FHOD3: variants seen among roughly 807,000 people sequenced by gnomAD.
The protein encoded by FHOD3 is formin homology 2 domain containing 3, also known as FH1/FH2 domain-containing protein 3.
In FHOD3, 90 loss-of-function variants were observed where a neutral mutation model predicts 173.0. The ratio of observed to expected loss-of-function variants is 0.52; its 90% CI spans 0.44 to 0.62. The LOEUF is 0.62. Among genes scored for constraint, FHOD3 ranks in the 20% least tolerant of loss-of-function variants. The pLI is 0.00. For synonymous variants in FHOD3, 828 were observed against 823.0 expected (o/e 1.01, Z -0.10); for missense variants, 1,945 against 2,034.7 (o/e 0.96, Z 0.85).
chr18:36,452,363 C>G (rs1255348383), intron 3 of FHOD3, among the ~76,000 whole-genome samples: 3 of 151,864 alleles, frequency 2.0e-5, no homozygotes, highest in Non-Finnish European at 4.4e-5. Context: ...GAAAAGAAGC[C>G]AAAAAAATTT....
chr18:36,312,144 T>C (rs920625424), intron 1 of FHOD3, among the ~76,000 whole-genome samples: 22 of 152,374 alleles, frequency 1.4e-4, no homozygotes, highest in African/African-American at 5.3e-4. Flanking sequence ...TTTTCCATTC[T>C]TGACTTATAG....
At chr18:36,489,709 G>T (rs1467801467) in intron 3 of FHOD3, among the ~76,000 whole-genome samples, 2 of 152,088 alleles carry the variant, frequency 1.3e-5, no homozygotes, top group Non-Finnish European at 2.9e-5. Flanking sequence ...CTAGAAAAAG[G>T]AATACGTGAG....
chr18:36,414,236 T>G (rs994655247), intron 3 of FHOD3, among the ~76,000 whole-genome samples: 2 of 152,178 alleles, frequency 1.3e-5, no homozygotes, highest in Non-Finnish European at 2.9e-5. Context: ...CGCCGTGACT[T>G]TAGCTGCTCC....
intron 5 of FHOD3, among the ~76,000 whole-genome samples, chr18:36,547,398 T>C (rs1266640484): frequency 6.6e-6 from 1 of 152,192 alleles, no homozygotes; most frequent in African/African-American, 2.4e-5. Flanking sequence ...AAAAAATTCT[T>C]GTTTTTCTGT....
Position 36,709,169 on chromosome 18 carries a change from G to A in FHOD3, c.2311G>A (p.Glu771Lys). 6.2e-7 allele frequency: 1 copy of A among 1,614,166 alleles called. No individual in the cohort carries two copies. Among genetic ancestry groups the A allele is most frequent in the Non-Finnish European group, 8.5e-7 (1 of 1,180,036 alleles). Residue 771 changes from glutamate (E) to lysine (K), a missense_variant, in exon 18 of 29, where the codon GAA (glutamate) becomes AAA (lysine). Coordinates refer to ENST00000590592, the MANE Select transcript of FHOD3 (RefSeq NM_001281740.3). ...GGCAGGGGCGGGGCAGGTTGCTGATGAAGCTGGCCAGGACATAGCCTCTGC... is the reference window on the plus strand; with the variant it reads ...GGCAGGGGCGGGGCAGGTTGCTGATAAAGCTGGCCAGGACATAGCCTCTGC... ...AEAGAGQVAD[E>K]AGQDIASAHE...
chr18:36,754,767 A>G (rs2042550647), intron 24 of FHOD3, among the ~76,000 whole-genome samples: 1 of 151,766 alleles, frequency 6.6e-6, no homozygotes, highest in East Asian at 1.9e-4. Context: ...CAAAAGTTTT[A>G]CATATATCCA....
chr18:36,521,323 G>T (rs1422862274), intron 5 of FHOD3, among the ~76,000 whole-genome samples: 2 of 152,064 alleles, frequency 1.3e-5, no homozygotes, highest in East Asian at 3.9e-4. Context: ...AGCCAGCTGT[G>T]CCCTGGTATC....
chr18:36,444,943 T>C (rs2051381189), intron 3 of FHOD3, among the ~76,000 whole-genome samples: 1 of 152,262 alleles, frequency 6.6e-6, no homozygotes, highest in Admixed American at 6.5e-5. Flanking sequence ...GGAGGTATAT[T>C]GTCAGGGTAA....
At chr18:36,652,423 CT>C (rs2036121315) in intron 11 of FHOD3, 146 bp from the exon 12 acceptor site, 1 of 1,049,516 alleles carries the variant, frequency 9.5e-7, no homozygotes, top group African/African-American at 1.6e-5. Context: ...GGCTTTTATG[CT>C]TCAGTTCAAG....
rs965295724 is a variant in FHOD3, at chr18:36,681,405, C to A, written c.1836-31C>A. On this transcript the variant is annotated intron_variant, in intron 14 of 28. Transcript: ENST00000590592. ...TCAGTACTTTTAATCACAGGCCAAG[C>A]AACTGAAACATTAACTCATTGTATC... The A allele has an allele frequency of 3.7e-6, 6 of 1,612,020 alleles. No homozygotes were observed. In the African/African-American group the frequency reaches 5.3e-5, roughly 14 times the overall value.
chr18:36,716,133 A>G (rs1275635247), intron 18 of FHOD3, among the ~76,000 whole-genome samples: 1 of 152,234 alleles, frequency 6.6e-6, no homozygotes, highest in Non-Finnish European at 1.5e-5. Context: ...GAAAGATATG[A>G]TCAGACATTT....
At chr18:36,694,030 G>A (rs936074956) in intron 17 of FHOD3, among the ~76,000 whole-genome samples, 18 of 152,188 alleles carry the variant, frequency 1.2e-4, no homozygotes, top group Admixed American at 1.0e-3. Context: ...GGAGAGGCGC[G>A]ATGATATTGT....
intron 14 of FHOD3, among the ~76,000 whole-genome samples, chr18:36,665,631 A>G (rs183608337): frequency 7.5e-4 from 114 of 152,348 alleles, no homozygotes; most frequent in African/African-American, 2.5e-3. Context: ...GCGAGTCCAT[A>G]TCTTTCTTCA....
chr18:36,769,200 T>C (rs2043267580), intron 27 of FHOD3, 65 bp from the exon 28 acceptor site: 1 of 1,559,804 alleles, frequency 6.4e-7, no homozygotes, highest in East Asian at 2.2e-5. Flanking sequence ...GGAGGAATAC[T>C]GCTGCATATA....
At chr18:36,364,558 A>G (rs2046799102) in intron 2 of FHOD3, among the ~76,000 whole-genome samples, 1 of 152,200 alleles carries the variant, frequency 6.6e-6, no homozygotes, top group Admixed American at 6.5e-5. Flanking sequence ...AGGAGAGTGA[A>G]GAGCAGTATT....
chr18:36,404,137 A>C (rs1383758838), intron 3 of FHOD3, among the ~76,000 whole-genome samples: 1 of 152,238 alleles, frequency 6.6e-6, no homozygotes, highest in East Asian at 1.9e-4. Context: ...CCACTGACCC[A>C]GGCCTCTCTG....
At chr18:36,344,227 A>G (rs1003204379) in intron 1 of FHOD3, among the ~76,000 whole-genome samples, 3 of 152,250 alleles carry the variant, frequency 2.0e-5, no homozygotes, top group Admixed American at 6.5e-5. Context: ...GGAAATTATT[A>G]TAGATAGAAG....
Position 36,625,723 on chromosome 18 carries a change from C to G in FHOD3, c.1170C>G (p.Pro390=). 5 of 1,609,534 alleles carry G rather than the reference C, an allele frequency of 3.1e-6. No homozygotes were observed. The highest frequency in any genetic ancestry group is 4.2e-6 in the Non-Finnish European group (5 of 1,177,272). Residue 390 remains proline (P), a synonymous_variant, in exon 10 of 29, where the codon CCC becomes CCG. Transcript: ENST00000590592. ...CCCAGTCAGCTCCCAGCTTCAAGCCCAACCAAGTGCGAGATCTGCGTGAAA... is the reference window on the plus strand; with the variant it reads ...CCCAGTCAGCTCCCAGCTTCAAGCCGAACCAAGTGCGAGATCTGCGTGAAA... The part of the protein sequence containing the change: ...PCSQSAPSFK[P]NQVRDLREKE...
intron 17 of FHOD3, among the ~76,000 whole-genome samples, chr18:36,699,355 C>A (rs1020171452): frequency 1.2e-4 from 19 of 152,252 alleles, no homozygotes; most frequent in African/African-American, 4.6e-4. Context: ...TTGGGATGAA[C>A]AAGTTTGCTG....
Sources: gnomAD v4.1 joint callset for allele counts (sites outside exome capture counted in the v4.1 genomes callset) on GRCh38, gnomAD v4.1.1 for gene constraint, MANE v1.5 for transcripts, NCBI Gene and HGNC (gene_info 2026-07-23, HGNC 2026-07-21) for gene names.